Variants in ZNF362 observed in about 807,000 individuals in gnomAD.
ZNF362 encodes rotund homolog.
A neutral mutation model predicts 42.9 loss-of-function variants in ZNF362; 11 were observed. That is an observed-to-expected ratio of 0.26 (90% CI 0.16 to 0.42). ZNF362 has a LOEUF of 0.42. Ranked by LOEUF, ZNF362 falls within the 20% of genes least tolerant of loss-of-function variation. The pLI, the probability that ZNF362 is intolerant of heterozygous loss-of-function variation, is 1.00. For synonymous variants in ZNF362, 255 were observed against 257.3 expected (o/e 0.99, Z 0.09); for missense variants, 362 against 576.2 (o/e 0.63, Z 3.81).
the ZNF362 span, chr1:33,194,826 G>A: frequency 6.6e-6 from 1 of 151,932 alleles, no homozygotes; most frequent in Non-Finnish European, 1.5e-5. Context: ...AAATCATAGA[G>A]GAGAAAATGA....
the ZNF362 span, among the ~76,000 whole-genome samples, chr1:33,178,751 A>T: frequency 1.3e-5 from 2 of 152,084 alleles, no homozygotes; most frequent in Non-Finnish European, 2.9e-5. Flanking sequence ...CCAACCCCAC[A>T]ACAGTGCACT....
the ZNF362 span, among the ~76,000 whole-genome samples, chr1:33,187,724 T>C: frequency 6.6e-6 from 1 of 152,194 alleles, no homozygotes; most frequent in African/African-American, 2.4e-5. Context: ...ACCACAATTA[T>C]GTCCTCTGGT....
the ZNF362 span, among the ~76,000 whole-genome samples, chr1:33,236,265 G>A: frequency 2.1e-4 from 32 of 151,686 alleles, no homozygotes; most frequent in Non-Finnish European, 4.0e-4. Flanking sequence ...AAAACAGGCC[G>A]GTTGCAGTGG....
chr1:33,147,754 G>C, the ZNF362 span: 3 of 1,595,260 alleles, frequency 1.9e-6, no homozygotes, highest in Admixed American at 1.7e-5. This position sits in a 1 kb window ranked among gnomAD's most constrained non-coding sequence, Gnocchi z 8.1. Context: ...AGGGAGAGAA[G>C]ATGAGTGGGG....
chr1:33,221,917 T>C, the ZNF362 span, among the ~76,000 whole-genome samples: 1 of 152,024 alleles, frequency 6.6e-6, no homozygotes, highest in Non-Finnish European at 1.5e-5. Context: ...GTTTCCTCCA[T>C]GGGTGGAGGA....
intron 1 of ZNF362, among the ~76,000 whole-genome samples, chr1:33,264,596 A>G (rs994017236): frequency 3.9e-5 from 6 of 152,224 alleles, no homozygotes; most frequent in African/African-American, 1.4e-4. Flanking sequence ...ATCTGCCTCC[A>G]GAATCCATAC....
chr1:33,189,676 T>TATATATATACAC, the ZNF362 span, among the ~76,000 whole-genome samples: 4 of 22,758 alleles, frequency 1.8e-4, 1 homozygote, highest in Admixed American at 6.0e-4. Context: ...TATATATGTA[T>TATATATATACAC]ATATATACGT....
intron 1 of ZNF362, among the ~76,000 whole-genome samples, chr1:33,258,156 C>T (rs1016525797): frequency 1.3e-5 from 2 of 152,218 alleles, no homozygotes; most frequent in African/African-American, 2.4e-5. Context: ...TCCTGCCCTA[C>T]GCCCGGGAGG....
At chr1:33,222,981 G>A in the ZNF362 span, among the ~76,000 whole-genome samples, 890 of 152,234 alleles carry the variant, frequency 5.8e-3, 12 homozygotes, top group African/African-American at 0.02. Flanking sequence ...AGCTGGGCAC[G>A]GTGGCTCATG....
At chr1:33,288,379 G>C (rs1646046933) in intron 6 of ZNF362, among the ~76,000 whole-genome samples, 1 of 152,162 alleles carries the variant, frequency 6.6e-6, no homozygotes, top group Non-Finnish European at 1.5e-5. Context: ...GGGACAGTGG[G>C]GGGTGAAGTG....
chr1:33,231,565 C>T, the ZNF362 span, among the ~76,000 whole-genome samples: 1 of 152,268 alleles, frequency 6.6e-6, no homozygotes, highest in African/African-American at 2.4e-5. Context: ...TATTTCCTCC[C>T]ATAGCACCAC....
chr1:33,250,947 G>A, the ZNF362 span, among the ~76,000 whole-genome samples: 1 of 151,870 alleles, frequency 6.6e-6, no homozygotes, highest in Non-Finnish European at 1.5e-5. Context: ...AGTTCTGATC[G>A]GAGGTACACC....
At chr1:33,145,232 G>A in the ZNF362 span, among the ~76,000 whole-genome samples, 1 of 152,152 alleles carries the variant, frequency 6.6e-6, no homozygotes, top group African/African-American at 2.4e-5. Flanking sequence ...TGGGACCCCA[G>A]GTAAGTCTTG....
the ZNF362 span, among the ~76,000 whole-genome samples, chr1:33,185,106 G>T: frequency 1.3e-5 from 2 of 152,104 alleles, no homozygotes; most frequent in Non-Finnish European, 2.9e-5. Context: ...TTTAGAAGAG[G>T]CTCTGGTACT....
the ZNF362 span, among the ~76,000 whole-genome samples, chr1:33,172,698 G>A: frequency 6.6e-6 from 1 of 152,106 alleles, no homozygotes; most frequent in Admixed American, 6.5e-5. Flanking sequence ...AGCCAGGACT[G>A]GGGCAACAGA....
the ZNF362 span, among the ~76,000 whole-genome samples, chr1:33,167,408 G>A: frequency 1.3e-5 from 2 of 152,218 alleles, no homozygotes; most frequent in Admixed American, 1.3e-4. This position sits in a 1 kb window ranked among gnomAD's most constrained non-coding sequence, Gnocchi z 4.2. Context: ...GGGTTGTGGA[G>A]GTGAGTGCTC....
intron 6 of ZNF362, among the ~76,000 whole-genome samples, chr1:33,293,002 C>T (rs1646090704): frequency 6.6e-6 from 1 of 152,210 alleles, no homozygotes; most frequent in Non-Finnish European, 1.5e-5. Flanking sequence ...GAAGGCCAGA[C>T]CCCAGGCCTT....
chr1:33,238,089 G>A, the ZNF362 span, among the ~76,000 whole-genome samples: 1 of 152,110 alleles, frequency 6.6e-6, no homozygotes, highest in Non-Finnish European at 1.5e-5. Context: ...GGAGGCCAAG[G>A]CAGGTGGATC....
intron 8 of ZNF362, among the ~76,000 whole-genome samples, chr1:33,298,380 C>T (rs1435897872): frequency 6.6e-6 from 1 of 152,190 alleles, no homozygotes; most frequent in Non-Finnish European, 1.5e-5. Context: ...GAGACTGGGG[C>T]AGGAGTGGAC....
Sources: gnomAD v4.1 joint callset for allele counts (sites outside exome capture counted in the v4.1 genomes callset) on GRCh38, gnomAD v4.1.1 for gene constraint, Gnocchi (gnomAD v3.1) non-coding constraint, MANE v1.5 for transcripts, NCBI Gene and HGNC (gene_info 2026-07-23, HGNC 2026-07-21) for gene names.